The following FTCD variants were observed in gnomAD, a reference collection of about 807,000 sequenced individuals.
The protein encoded by FTCD is formimidoyltransferase-cyclodeaminase.
A neutral mutation model predicts 62.9 loss-of-function variants in FTCD; 76 were observed. That is an observed-to-expected ratio of 1.21 (90% CI 1.00 to 1.46). The LOEUF is 1.46. Among genes scored for constraint, FTCD ranks in the 40% most tolerant of loss-of-function variants. The pLI is 0.00. For synonymous variants in FTCD, 397 were observed against 336.9 expected (o/e 1.18, Z -1.95); for missense variants, 845 against 751.3 (o/e 1.12, Z -1.46).
Position 46,151,669 on chromosome 21 carries a change from G to A in FTCD, c.525C>T (p.Ala175=), listed in dbSNP as rs1309622863. Residue 175 remains alanine, a synonymous_variant, in exon 5 of 14, where the codon GCC becomes GCT. Transcript: ENST00000397746. The part of the protein sequence containing the change: ...SSFVPSWGAT[A]TGARKFLIAF... ...CAATGAGGAACTTCCTCGCCCCCGT[G>A]GCCGTGGCCCCCCAACTGGGGACAA... 6.2e-7 allele frequency: 1 copy of A among 1,613,022 alleles called. No individual in the cohort carries two copies. Among genetic ancestry groups the A allele is most frequent in the East Asian group, 2.2e-5 (1 of 44,878 alleles).
In FTCD at chr21:46,146,387, C is replaced by G. The variant is rs546594448; in HGVS notation, c.907-60G>C. On this transcript the variant is annotated intron_variant, in intron 7 of 13. Coordinates refer to ENST00000397746, the MANE Select transcript of FTCD (RefSeq NM_206965.2). The stretch of plus-strand genomic sequence containing the variant: ...CGCGTCTCCACCACCAGGAAAGCCT[C>G]GGAACCCGCGGGTCCCACCCTTGCG... The G allele has an allele frequency of 4.0e-4, 465 of 1,169,452 alleles. 2 individuals carry two copies. In the Middle Eastern group the frequency reaches 0.013, roughly 34 times the overall value. The allele number at this position is 1,169,452 out of a possible 1,614,324, so 72.4% of individuals were successfully genotyped here.
chr21:46,141,656 G>A (rs796876519), intron 10 of FTCD, among the ~76,000 whole-genome samples: 20 of 151,810 alleles, frequency 1.3e-4, no homozygotes, highest in African/African-American at 4.6e-4. Flanking sequence ...CACACGCAAA[G>A]TCCAAAGACG....
At chr21:46,141,027 G>A (rs1013858911) in intron 10 of FTCD, among the ~76,000 whole-genome samples, 2 of 152,172 alleles carry the variant, frequency 1.3e-5, no homozygotes, top group Admixed American at 6.5e-5. Context: ...CACACGTCTT[G>A]TTTCCTTCCT....
chr21:46,145,896 C>T lies in FTCD; in HGVS notation c.1020G>A (p.Leu340=), dbSNP rs2079135713. The T allele has an allele frequency of 2.7e-6, 4 of 1,486,296 alleles. No homozygotes were observed. Among genetic ancestry groups the T allele is most frequent in the Admixed American group, 2.2e-5 (1 of 45,704 alleles). 92.1% of individuals were successfully genotyped at this position (1,486,296 alleles called of 1,614,324 possible). ...GPERGLGSKS[L]RAFVGEVGAR... ...CACCCACCTCCCCCACGAAGGCGCG[C>T]AGGGACTTGCTGCCCAGGCCTCGCT... Residue 340 remains leucine (L), a synonymous_variant, in exon 9 of 14, where the codon CTG becomes CTA. Coordinates refer to ENST00000397746, the MANE Select transcript of FTCD (RefSeq NM_206965.2).
intron 7 of FTCD, among the ~76,000 whole-genome samples, chr21:46,147,703 C>T (rs2079180017): frequency 6.6e-6 from 1 of 151,972 alleles, no homozygotes; most frequent in Non-Finnish European, 1.5e-5. Context: ...CTTTGGGAGG[C>T]TGAGGCGGAC....
At chr21:46,136,738 C>G, downstream of FTCD, 2 of 1,483,912 alleles carry the variant, frequency 1.3e-6, no homozygotes, top group Non-Finnish European at 1.8e-6. Flanking sequence ...CGCAGCTCAG[C>G]TCTCAGCCCT....
In FTCD at chr21:46,145,575, C is replaced by A; in HGVS notation, c.1102G>T (p.Ala368Ser). 1 of 1,538,466 alleles carries A rather than the reference C, an allele frequency of 6.5e-7. No homozygotes were observed. Among genetic ancestry groups the A allele is most frequent in the African/African-American group, 1.4e-5 (1 of 72,846 alleles). Residue 368 changes from alanine (A) to serine (S), a missense_variant, in exon 10 of 14, where the codon GCG becomes TCG. Ala to Ser is a moderately conservative substitution (Grantham distance 99, BLOSUM62 1). Transcript: ENST00000397746. Reference protein sequence around the residue: ...SVAAAAAAMGAALGSMVGLMT... With the variant: ...SVAAAAAAMGSALGSMVGLMT... ...AGGCCCACCATGGAGCCCAGCGCCG[C>A]ACCCTGCGAGAGGGGTGGATGTGGG...
chr21:46,150,233 C>G lies in FTCD; in HGVS notation c.792G>C (p.Val264=). 6.2e-7 allele frequency: 1 copy of G among 1,609,676 alleles called. No individual in the cohort carries two copies. Among genetic ancestry groups the G allele is most frequent in the Non-Finnish European group, 8.5e-7 (1 of 1,178,674 alleles). ...CREAQELSLP[V]VGSQLVGLVP... is the part of the protein sequence containing the mutation. ...CCAGGCCCACCAGCTGTGAGCCCAC[C>G]ACTGGGAGGCTCAGCTCCTGCCAAG... Residue 264 remains valine, a synonymous_variant, in exon 7 of 14, where the codon GTG becomes GTC. Transcript: ENST00000397746.
At chr21:46,154,702 G>GGAC (rs769935582) in intron 1 of FTCD, among the ~76,000 whole-genome samples, 4 of 152,244 alleles carry the variant, frequency 2.6e-5, no homozygotes, top group African/African-American at 4.8e-5. Context: ...AGCAGGGGAG[G>GGAC]GACAGATCAC....
In FTCD at chr21:46,145,423, G is replaced by A. The variant is rs967341978; in HGVS notation, c.1254C>T (p.Ala418=). The A allele has an allele frequency of 3.9e-6, 6 of 1,550,910 alleles. No homozygotes were observed. The highest frequency in any genetic ancestry group is 1.2e-5 in the South Asian group (1 of 84,222). ...LVDADAEAFT[A]YLEAMRLPKN... is the part of the protein sequence containing the mutation. The stretch of plus-strand genomic sequence containing the variant: ...TGCTGTGGCCGCCACTCACCAGGTA[G>A]GCGGTGAAGGCCTCGGCGTCGGCAT... Residue 418 remains alanine, a synonymous_variant, in exon 10 of 14, where the codon GCC becomes GCT. Coordinates refer to ENST00000397746, the MANE Select transcript of FTCD (RefSeq NM_206965.2).
chr21:46,150,645 G>T, intron 5 of FTCD, 120 bp from the exon 6 acceptor site: 1 of 1,043,356 alleles, frequency 9.6e-7, no homozygotes, highest in Non-Finnish European at 1.5e-6. Flanking sequence ...CTGGGTGGGT[G>T]CTGTGGTTCT....
chr21:46,145,005 GC>G (rs756926485), intron 10 of FTCD, among the ~76,000 whole-genome samples: 5 of 151,956 alleles, frequency 3.3e-5, no homozygotes, highest in Non-Finnish European at 7.4e-5. Flanking sequence ...GTCGTCTCTG[GC>G]CTGCCTGAGA....
At chr21:46,145,680 C>T (rs1215419983) in intron 9 of FTCD, 102 bp from the exon 10 acceptor site, 2 of 908,168 alleles carry the variant, frequency 2.2e-6, no homozygotes, top group Non-Finnish European at 3.2e-6. Flanking sequence ...GGGTCCCACC[C>T]GTGTGGCCCC....
intron 8 of FTCD, 109 bp downstream of exon 8, chr21:46,146,157 G>A: frequency 3.5e-6 from 3 of 859,164 alleles, no homozygotes; most frequent in Non-Finnish European, 5.8e-6. Flanking sequence ...CCAAAGGGAG[G>A]CGCTGGGAGG....
chr21:46,137,231 C>G lies in FTCD; in HGVS notation c.1539+8G>C, dbSNP rs756369089. ...GGGGTCCGGGCACCACACCTGCCTC[C>G]TGCTCACCTGGTCCTTAAATGCCTC... On this transcript the variant is annotated splice_region_variant and intron_variant, in intron 13 of 13. Transcript: ENST00000397746. The G allele has an allele frequency of 2.5e-6, 4 of 1,607,598 alleles. No homozygotes were observed. Among genetic ancestry groups the G allele is most frequent in the Admixed American group, 3.3e-5 (2 of 60,008 alleles).
intron 13 of FTCD, 76 bp from the exon 14 acceptor site, chr21:46,137,149 C>G: frequency 6.3e-7 from 1 of 1,593,704 alleles, no homozygotes; most frequent in Non-Finnish European, 8.6e-7. Flanking sequence ...CCTCCGACCC[C>G]CACTGCCCAC....
chr21:46,137,392 A>AG (rs1057503321), intron 12 of FTCD, 58 bp from the exon 13 acceptor site: 1 of 1,308,804 alleles, frequency 7.6e-7, no homozygotes, highest in African/African-American at 1.5e-5. Context: ...TGCCGGAAGG[A>AG]GGGTCTCTGC....
At chr21:46,147,563 C>A (rs1182422160) in intron 7 of FTCD, among the ~76,000 whole-genome samples, 1 of 152,162 alleles carries the variant, frequency 6.6e-6, no homozygotes, top group African/African-American at 2.4e-5. Context: ...AGCAAAGCAG[C>A]CTCACCACAA....
downstream of FTCD, chr21:46,136,678 C>A: frequency 6.8e-7 from 1 of 1,466,136 alleles, no homozygotes. Flanking sequence ...TCCCTCCAAC[C>A]CTGGCTCCCA....
Sources: gnomAD v4.1 joint callset for allele counts (sites outside exome capture counted in the v4.1 genomes callset) on GRCh38, gnomAD v4.1.1 for gene constraint, MANE v1.5 for transcripts, NCBI Gene and HGNC (gene_info 2026-07-23, HGNC 2026-07-21) for gene names.